The following APOH variants were observed in gnomAD, a reference collection of about 807,000 sequenced individuals.
The protein encoded by APOH is beta-2-glycoprotein 1.
In APOH, 48 loss-of-function variants were observed where a neutral mutation model predicts 39.8. That is an observed-to-expected ratio of 1.21 (90% CI 0.96 to 1.54). APOH has a LOEUF of 1.54. Ranked by LOEUF, APOH falls within the 40% of genes most tolerant of loss-of-function variation. The pLI, the probability that APOH is intolerant of heterozygous loss-of-function variation, is 0.00. For synonymous variants in APOH, 153 were observed against 151.1 expected (o/e 1.01, Z -0.09); for missense variants, 415 against 421.2 (o/e 0.99, Z 0.13).
At chr17:66,221,419 G>GGAAGGAAAC (rs1264580457) in intron 4 of APOH, among the ~76,000 whole-genome samples, 1 of 149,574 alleles carries the variant, frequency 6.7e-6, no homozygotes, top group Non-Finnish European at 1.5e-5. Flanking sequence ...AAGGAAGGAA[G>GGAAGGAAAC]GAAGGAAGGA....
intron 6 of APOH, 84 bp downstream of exon 6, chr17:66,216,704 G>T: frequency 7.3e-7 from 1 of 1,369,348 alleles, no homozygotes; most frequent in Non-Finnish European, 9.8e-7. Flanking sequence ...AAGTGGAAAA[G>T]TGTTGGAACA....
Position 66,223,685 on chromosome 17 carries a change from C to T in APOH, c.415+13G>A, listed in dbSNP as rs1455262889. On this transcript the variant is annotated intron_variant, in intron 4 of 7. Coordinates refer to ENST00000205948, the MANE Select transcript of APOH (RefSeq NM_000042.3). ...CTGGGCAAACCAGCTGATCACCTTG[C>T]CCACAGACTTACGAGCACAGACAGG... is the stretch of plus-strand genomic sequence containing the variant. 1 of 1,613,742 alleles carries T rather than the reference C, an allele frequency of 6.2e-7. No individual in the cohort carries two copies.
rs754934177 is a variant in APOH at position 66,214,619 on chromosome 17, A to G, written c.816T>C (p.Thr272=). 3.1e-6 allele frequency: 5 copies of G among 1,613,624 alleles called. No individual in the cohort carries two copies. The highest frequency in any genetic ancestry group is 4.2e-6 in the Non-Finnish European group (5 of 1,179,876). Residue 272 remains threonine (T), a synonymous_variant, in exon 7 of 8, where the codon ACT becomes ACC. Transcript: ENST00000205948. ...ASCKVPVKKA[T]VVYQGERVKI... ...TTACTCTCTCTCCTTGGTACACCAC[A>G]GTGGCTTTTTTCACAGGTACTTTAC...
rs1184411447 is a variant in APOH at position 66,214,536 on chromosome 17, C to T, written c.899G>A (p.Cys300Tyr). 4 of 1,614,056 alleles carry T rather than the reference C, an allele frequency of 2.5e-6. No homozygotes were observed. The highest frequency in any genetic ancestry group is 1.3e-5 in the African/African-American group (1 of 75,014). The change falls in exon 7 of 8, where the codon TGC (cysteine) becomes TAC (tyrosine). Residue 300 changes from cysteine (C) to tyrosine (Y), a missense_variant. Cys to Tyr is a radical substitution (Grantham distance 194, BLOSUM62 -2). Transcript: ENST00000205948. ...MLHGDKVSFF[C>Y]KNKEKKCSYT... ...GCTACACTTCTTTTCCTTATTTTTG[C>T]AGAAGAAAGAAACTTTATCACCATG...
chr17:66,227,405 T>C (rs2073446622), intron 2 of APOH, among the ~76,000 whole-genome samples: 1 of 152,200 alleles, frequency 6.6e-6, no homozygotes, highest in Admixed American at 6.5e-5. Context: ...TCAATCTGGT[T>C]GATTGCATAA....
Position 66,228,296 on chromosome 17 carries a change from T to A in APOH, c.65-100A>T. The A allele has an allele frequency of 3.1e-6, 4 of 1,303,348 alleles. No homozygotes were observed. In the Admixed American group the frequency reaches 6.5e-5, roughly 21 times the overall value. 80.7% of individuals were successfully genotyped at this position (1,303,348 alleles called of 1,614,324 possible). ...AAAATGTGTGTACTGTTACCAATTA[T>A]AAGCATACCAAGTTGCATGCCAAAT... On this transcript the variant is annotated intron_variant, in intron 1 of 7. Transcript: ENST00000205948.
chr17:66,224,729 A>G lies in APOH; in HGVS notation c.339-955T>C, dbSNP rs1218528437. On this transcript the variant is annotated intron_variant, in intron 3 of 7. Transcript: ENST00000205948. ...AAAGGAAAGGAAAGGAAAGGAAAGG[A>G]AAGGAAAGGAAAGGAAAGGAAAGGA... is the stretch of plus-strand genomic sequence containing the variant. 2.1e-5 allele frequency among the ~76,000 whole-genome samples: 3 copies of G among 140,510 alleles called. No individual in the cohort carries two copies. In the East Asian group the frequency reaches 6.4e-4, roughly 30 times the overall value. The allele number at this position is 140,510 out of a possible 152,430, so 92.2% of individuals were successfully genotyped here. A position where few individuals can be genotyped will look rare whatever the true frequency, so the allele number is the denominator to read the frequency against.
At chr17:66,225,857 A>T (rs1335734767) in intron 3 of APOH, among the ~76,000 whole-genome samples, 171 bp downstream of exon 3, 1 of 151,370 alleles carries the variant, frequency 6.6e-6, no homozygotes. Context: ...AGCCTGGGCG[A>T]CAGAGCGAGA....
chr17:66,215,550 G>T (rs2073360118), intron 6 of APOH, among the ~76,000 whole-genome samples: 1 of 152,190 alleles, frequency 6.6e-6, no homozygotes, highest in African/African-American at 2.4e-5. Context: ...TCTGCTTCTA[G>T]GGAACTGTAA....
chr17:66,223,827 T>A (rs2073418517), intron 3 of APOH, 53 bp from the exon 4 acceptor site: 1 of 1,438,456 alleles, frequency 7.0e-7, no homozygotes, highest in African/African-American at 1.4e-5. Context: ...ATCACTGACA[T>A]CTCAAATATC....
Position 66,220,560 on chromosome 17 carries a change from A to G in APOH, c.598T>C (p.Cys200Arg). The G allele has an allele frequency of 6.2e-7, 1 of 1,614,012 alleles. No homozygotes were observed. The highest frequency in any genetic ancestry group is 8.5e-7 in the Non-Finnish European group (1 of 1,179,868). ...THGNWTKLPE[C>R]REVKCPFPSR... is the part of the protein sequence containing the mutation. ...GTCTGATCATTGCACTTACCCCTGC[A>G]TTCTGGTAATTTAGTCCAATTTCCA... The change falls in exon 5 of 8, where the codon TGC becomes CGC. Residue 200 changes from cysteine (C) to arginine (R), a missense_variant. Around this residue, in one of 3 missense-constraint regions of APOH, gnomAD observed 288 missense variants for 284.9 expected, o/e 1.01. Coordinates refer to ENST00000205948, the MANE Select transcript of APOH (RefSeq NM_000042.3).
chr17:66,214,672 ATCAGGACTTAAGAGT>A, intron 6 of APOH, 22 bp from the exon 7 acceptor site: 1 of 1,591,720 alleles, frequency 6.3e-7, no homozygotes. Flanking sequence ...AATACTTGTA[ATCAGGACTTAAGAGT>A]TCAGGAAGTC....
intron 5 of APOH, among the ~76,000 whole-genome samples, chr17:66,219,252 C>T (rs1217642367): frequency 2.0e-5 from 3 of 151,810 alleles, no homozygotes; most frequent in Non-Finnish European, 4.4e-5. Context: ...TATAAAATGT[C>T]CTTGTTCTTA....
At chr17:66,221,571 G>A (rs886998004) in intron 4 of APOH, among the ~76,000 whole-genome samples, 3 of 152,120 alleles carry the variant, frequency 2.0e-5, no homozygotes, top group Non-Finnish European at 2.9e-5. Context: ...AGATGCTTCT[G>A]GAAGGCAGAA....
At position 66,216,921 on chromosome 17, in the gene APOH, G is replaced by A. The variant is rs752621817; in HGVS notation, c.651C>T (p.Asn217=). 1.9e-6 allele frequency: 3 copies of A among 1,611,062 alleles called. No homozygotes were observed. The highest frequency in any genetic ancestry group is 1.7e-6 in the Non-Finnish European group (2 of 1,178,900). Residue 217 remains asparagine, a synonymous_variant, in exon 6 of 8, where the codon AAC becomes AAT. Coordinates refer to ENST00000205948, the MANE Select transcript of APOH (RefSeq NM_000042.3). The part of the protein sequence containing the change: ...FPSRPDNGFV[N]YPAKPTLYYK... ...AATAAAGTGTTGGTTTTGCAGGATA[G>A]TTCACAAATCCATTGTCTGGTCTTG...
At chr17:66,229,140 TTGGCCAGAC>T (rs372865008) in intron 1 of APOH, among the ~76,000 whole-genome samples, 167 bp downstream of exon 1, 16 of 152,286 alleles carry the variant, frequency 1.1e-4, no homozygotes, top group African/African-American at 3.6e-4. Context: ...TTTCACCATG[TTGGCCAGAC>T]TGGTCTCGAA....
intron 4 of APOH, among the ~76,000 whole-genome samples, chr17:66,221,444 A>C (rs1481958772): frequency 8.7e-6 from 1 of 114,590 alleles, no homozygotes; most frequent in Non-Finnish European, 1.7e-5. Flanking sequence ...CTCAAGTCAG[A>C]TGTCCAAACC....
rs1476098747 is a variant in APOH, at chr17:66,216,883, G to A, written c.689C>T (p.Ala230Val). The change falls in exon 6 of 8, where the codon GCC becomes GTC. Residue 230 changes from alanine to valine, a missense_variant. Physicochemically the swap from Ala to Val is moderately conservative, Grantham distance 64 (BLOSUM62 0). Around this residue, in one of 3 missense-constraint regions of APOH, gnomAD observed 288 missense variants for 284.9 expected, o/e 1.01. Coordinates refer to ENST00000205948, the MANE Select transcript of APOH (RefSeq NM_000042.3). The part of the protein sequence containing the change: ...AKPTLYYKDK[A>V]TFGCHDGYSL... ...ATATCCATCATGGCAGCCAAATGTG[G>A]CTTTATCCTTGTAATAAAGTGTTGG... The A allele has an allele frequency of 1.2e-6, 2 of 1,613,342 alleles. No individual in the cohort carries two copies. Among genetic ancestry groups the A allele is most frequent in the Non-Finnish European group, 1.7e-6 (2 of 1,179,710 alleles).
At chr17:66,216,398 T>G (rs770648625) in intron 6 of APOH, among the ~76,000 whole-genome samples, 19 of 150,662 alleles carry the variant, frequency 1.3e-4, no homozygotes, top group Non-Finnish European at 2.5e-4. Flanking sequence ...GTAGGAGAAT[T>G]GCTTGAACCC....
Sources: gnomAD v4.1 joint callset for allele counts (sites outside exome capture counted in the v4.1 genomes callset) on GRCh38, gnomAD v4.1.1 for gene constraint, gnomAD v4.1.1 regional missense constraint, MANE v1.5 for transcripts, NCBI Gene and HGNC (gene_info 2026-07-23, HGNC 2026-07-21) for gene names.